Variants in WWP2 observed in about 807,000 individuals in gnomAD.
WWP2 encodes the protein NEDD4-like E3 ubiquitin-protein ligase WWP2.
A neutral mutation model predicts 121.0 loss-of-function variants in WWP2; 57 were observed. That is an observed-to-expected ratio of 0.47 (90% CI 0.38 to 0.59). WWP2 has a LOEUF of 0.59. Ranked by LOEUF, WWP2 falls within the 20% of genes least tolerant of loss-of-function variation. The pLI is 0.00. For missense variants in WWP2, 962 were observed against 1,158.9 expected (o/e 0.83, Z 2.47); for synonymous variants, 449 against 441.3 (o/e 1.02, Z -0.22).
chr16:69,773,191 T>G (rs2055455572), intron 1 of WWP2, among the ~76,000 whole-genome samples: 1 of 152,090 alleles, frequency 6.6e-6, no homozygotes. Flanking sequence ...GCTCCTTTTT[T>G]TTTTTTGAGA....
rs552170104 is a variant in WWP2 at position 69,883,563 on chromosome 16, C to G, written c.704-4476C>G. ...ATCTGAACTCAAGGTATAGCACAAA[C>G]TTTCTTTTTTTCAACTTTAAGTTCC... is the stretch of plus-strand genomic sequence containing the variant. On this transcript the variant is annotated intron_variant, in intron 7 of 23. Coordinates refer to ENST00000359154, the MANE Select transcript of WWP2 (RefSeq NM_001270454.2). Among the ~76,000 whole-genome samples, 5 of 152,254 alleles carry G rather than the reference C, an allele frequency of 3.3e-5. No homozygotes were observed. The East Asian group carries it at 9.6e-4, about 29-fold the overall frequency.
rs1293554835 is a variant in WWP2 at position 69,933,903 on chromosome 16, A to G, written c.1683-67A>G. On this transcript the variant is annotated intron_variant, in intron 16 of 23. Coordinates refer to ENST00000359154, the MANE Select transcript of WWP2 (RefSeq NM_001270454.2). ...ACCTGAGACACGATGGTGAAGAGACACAGCTCCTGTGCAGATGTGCACGAA... is the reference window on the plus strand; with the variant it reads ...ACCTGAGACACGATGGTGAAGAGACGCAGCTCCTGTGCAGATGTGCACGAA... The G allele has an allele frequency of 3.2e-6, 5 of 1,551,832 alleles. No homozygotes were observed. In the Admixed American group the frequency reaches 8.6e-5, roughly 27 times the overall value.
chr16:69,903,789 A>G (rs2058245220), intron 8 of WWP2, among the ~76,000 whole-genome samples: 1 of 152,018 alleles, frequency 6.6e-6, no homozygotes. Flanking sequence ...AAAGAAAGAA[A>G]GAAAAATGTG....
intron 6 of WWP2, among the ~76,000 whole-genome samples, chr16:69,847,277 G>T (rs538216534): frequency 8.5e-4 from 129 of 151,784 alleles, no homozygotes; most frequent in Middle Eastern, 3.4e-3. Context: ...TAGAGACGGG[G>T]TTTCACCATA....
chr16:69,852,102 G>A (rs183909895), intron 6 of WWP2, among the ~76,000 whole-genome samples: 21 of 152,316 alleles, frequency 1.4e-4, no homozygotes, highest in African/African-American at 5.0e-4. Flanking sequence ...CTGCTAAACT[G>A]TTTTCCAAAA....
Position 69,937,242 on chromosome 16 carries a change from A to C in WWP2, c.2238+4A>C, listed in dbSNP as rs1250960448. 1 of 1,613,034 alleles carries C rather than the reference A, an allele frequency of 6.2e-7. No individual in the cohort carries two copies. The highest frequency in any genetic ancestry group is 2.2e-5 in the East Asian group (1 of 44,814). ...CTTTGACGAGAAAGAGCTGGAGGTG[A>C]GTGTCTGAGGTTGCTGGGACCCTGA... On this transcript the variant is annotated splice_donor_region_variant and intron_variant, in intron 20 of 23. Coordinates refer to ENST00000359154, the MANE Select transcript of WWP2 (RefSeq NM_001270454.2). This position sits in a 1 kb window ranked among gnomAD's most constrained non-coding sequence, Gnocchi z 6.6.
intron 7 of WWP2, among the ~76,000 whole-genome samples, chr16:69,873,494 GCTGC>G (rs1400917799): frequency 6.6e-6 from 1 of 152,230 alleles, no homozygotes; most frequent in African/African-American, 2.4e-5. Flanking sequence ...GAGTCCCAGG[GCTGC>G]CGTCTCAGCT....
intron 6 of WWP2, among the ~76,000 whole-genome samples, chr16:69,844,279 G>A (rs114343887): frequency 0.012 from 1,843 of 152,280 alleles, 41 homozygotes; most frequent in African/African-American, 0.043. Context: ...ATGGGCACCT[G>A]GAACTGGAGG....
rs2056115509 is a variant in WWP2 at position 69,799,405 on chromosome 16, T to C, written c.340+110T>C. On this transcript the variant is annotated intron_variant, in intron 4 of 23. Coordinates refer to ENST00000359154, the MANE Select transcript of WWP2 (RefSeq NM_001270454.2). The surrounding 1 kb of genome is among the most constrained non-coding windows in gnomAD (Gnocchi z 4.5). ...CCAGGACTAGGGGCTGCAGTACCTC[T>C]GTTCTCCTTGGATGCTGTCTTTGGA... 4 of 1,420,870 alleles carry C rather than the reference T, an allele frequency of 2.8e-6. No homozygotes were observed. The highest frequency in any genetic ancestry group is 1.4e-5 in the African/African-American group (1 of 69,644). The allele number at this position is 1,420,870 out of a possible 1,614,324, so 88.0% of individuals were successfully genotyped here.
intron 7 of WWP2, among the ~76,000 whole-genome samples, chr16:69,875,598 C>A (rs540363793): frequency 6.6e-6 from 1 of 152,346 alleles, no homozygotes; most frequent in South Asian, 2.1e-4. Context: ...ATTCTAAATC[C>A]TTGTTGTCAT....
At chr16:69,776,384 T>C (rs2055528247) in intron 1 of WWP2, 2 of 152,136 alleles carry the variant, frequency 1.3e-5, no homozygotes, top group Non-Finnish European at 1.5e-5. Flanking sequence ...TAAAGAAGGA[T>C]TTTTTCTTCT....
intron 1 of WWP2, among the ~76,000 whole-genome samples, chr16:69,766,683 C>T (rs1206296615): frequency 2.0e-5 from 3 of 152,154 alleles, no homozygotes; most frequent in Non-Finnish European, 2.9e-5. Flanking sequence ...AGCCACATGG[C>T]CCCTTCCTTC....
intron 2 of WWP2, among the ~76,000 whole-genome samples, chr16:69,788,953 G>C (rs2055849932): frequency 6.6e-6 from 1 of 152,172 alleles, no homozygotes; most frequent in African/African-American, 2.4e-5. Context: ...TGGTCCTCCA[G>C]AGGCAAAATT....
At chr16:69,915,895 T>C (rs2058473145) in intron 9 of WWP2, among the ~76,000 whole-genome samples, 1 of 151,990 alleles carries the variant, frequency 6.6e-6, no homozygotes, top group African/African-American at 2.4e-5. Flanking sequence ...AAAAATTAGT[T>C]GAATGTGATG....
rs997476628 is a variant in WWP2, at chr16:69,799,024, G to T, written c.219-150G>T. ...TTCATTATTATCTAGAGGGTTACAG[G>T]GTCAGCTTTGAGAGGGGAAAGGATA... On this transcript the variant is annotated intron_variant, in intron 3 of 23. Transcript: ENST00000359154. The surrounding 1 kb of genome is among the most constrained non-coding windows in gnomAD (Gnocchi z 4.5). The T allele has an allele frequency of 2.4e-5, 33 of 1,364,756 alleles. No homozygotes were observed. The highest frequency in any genetic ancestry group is 3.2e-5 in the Non-Finnish European group (32 of 1,005,006). 84.5% of individuals were successfully genotyped at this position (1,364,756 alleles called of 1,614,324 possible).
intron 7 of WWP2, among the ~76,000 whole-genome samples, chr16:69,873,468 A>G (rs1197253899): frequency 6.6e-6 from 1 of 152,184 alleles, no homozygotes; most frequent in Non-Finnish European, 1.5e-5. Flanking sequence ...GGGGAAGAGG[A>G]GGAGCTGCAG....
intron 2 of WWP2, among the ~76,000 whole-genome samples, chr16:69,793,210 G>A (rs1445048580): frequency 3.9e-5 from 6 of 152,104 alleles, no homozygotes; most frequent in African/African-American, 1.4e-4. Context: ...AAAATTAGCT[G>A]GGTGTGATGG....
At chr16:69,932,488 G>A (rs1295141181) in intron 16 of WWP2, among the ~76,000 whole-genome samples, 1 of 152,264 alleles carries the variant, frequency 6.6e-6, no homozygotes, top group Non-Finnish European at 1.5e-5. Flanking sequence ...CGAGAGCTCA[G>A]TACAATGGCT....
Position 69,937,017 on chromosome 16 carries a change from T to G in WWP2, c.2118-101T>G. 1 of 1,478,048 alleles carries G rather than the reference T, an allele frequency of 6.8e-7. No homozygotes were observed. Among genetic ancestry groups the G allele is most frequent in the Non-Finnish European group, 9.0e-7 (1 of 1,106,052 alleles). The allele number at this position is 1,478,048 out of a possible 1,614,324, so 91.6% of individuals were successfully genotyped here. On this transcript the variant is annotated intron_variant, in intron 19 of 23. Coordinates refer to ENST00000359154, the MANE Select transcript of WWP2 (RefSeq NM_001270454.2). This position sits in a 1 kb window ranked among gnomAD's most constrained non-coding sequence, Gnocchi z 6.6. ...TCTGGGTGTGCGAAGTGGGCTCTGC[T>G]GATCTGGTGGTCCTGCGCGGTAACG...
Sources: gnomAD v4.1 joint callset for allele counts (sites outside exome capture counted in the v4.1 genomes callset) on GRCh38, gnomAD v4.1.1 for gene constraint, Gnocchi (gnomAD v3.1) non-coding constraint, MANE v1.5 for transcripts, NCBI Gene and HGNC (gene_info 2026-07-23, HGNC 2026-07-21) for gene names.